LDB2: variants seen among roughly 807,000 people sequenced by gnomAD.
The protein encoded by LDB2 is LIM domain binding 2, also known as LIM domain-binding protein 2.
In LDB2, 12 loss-of-function variants were observed where a neutral mutation model predicts 44.3. The ratio of observed to expected loss-of-function variants is 0.27; its 90% CI spans 0.17 to 0.44. The LOEUF (loss-of-function observed/expected upper bound fraction) is 0.44, where lower values mean the gene tolerates loss of function less well. LDB2 is among the 20% of genes least tolerant of loss of function. The pLI is 1.00. For synonymous variants in LDB2, 164 were observed against 174.8 expected, an observed-to-expected ratio of 0.94 and a Z score of 0.49; for missense variants, 344 against 473.5, an observed-to-expected ratio of 0.73 and a Z score of 2.54.
At chr4:16,654,356 T>G (rs1216221542) in intron 2 of LDB2, among the ~76,000 whole-genome samples, 1 of 152,000 alleles carries the variant, frequency 6.6e-6, no homozygotes, top group Non-Finnish European at 1.5e-5. Flanking sequence ...CATGGGAAAT[T>G]TAGAGTAAGG....
chr4:16,776,508 G>T (rs916740703), intron 1 of LDB2, among the ~76,000 whole-genome samples: 12 of 152,162 alleles, frequency 7.9e-5, no homozygotes, highest in African/African-American at 2.9e-4. Flanking sequence ...ACCCCAAGGG[G>T]CCTCTTTGAT....
At chr4:16,884,279 C>T (rs1195399794) in intron 1 of LDB2, among the ~76,000 whole-genome samples, 2 of 152,190 alleles carry the variant, frequency 1.3e-5, no homozygotes. Context: ...TAAAACAACT[C>T]TGTGAGGCGG....
At chr4:16,559,081 G>A (rs1001763899) in intron 5 of LDB2, among the ~76,000 whole-genome samples, 33 of 152,244 alleles carry the variant, frequency 2.2e-4, no homozygotes, top group African/African-American at 7.7e-4. Flanking sequence ...ACATGGAAAA[G>A]AACAACCGGT....
intron 2 of LDB2, among the ~76,000 whole-genome samples, chr4:16,599,787 C>G (rs1722057329): frequency 6.6e-6 from 1 of 152,196 alleles, no homozygotes; most frequent in South Asian, 2.1e-4. Flanking sequence ...TGTAAACATT[C>G]ACTGAACCTG....
chr4:16,537,640 A>G (rs1478411476), intron 5 of LDB2, among the ~76,000 whole-genome samples: 1 of 152,174 alleles, frequency 6.6e-6, no homozygotes, highest in Non-Finnish European at 1.5e-5. Flanking sequence ...ATGGAGGGCA[A>G]TTTAGTGCTC....
chr4:16,871,795 A>AT (rs1020148838), intron 1 of LDB2, among the ~76,000 whole-genome samples: 3 of 151,742 alleles, frequency 2.0e-5, no homozygotes, highest in Non-Finnish European at 4.4e-5. Flanking sequence ...TAATTTTTGT[A>AT]TTTTTTAGTA....
intron 2 of LDB2, among the ~76,000 whole-genome samples, chr4:16,698,677 T>C (rs941055781): frequency 6.6e-6 from 1 of 152,230 alleles, no homozygotes; most frequent in African/African-American, 2.4e-5. Context: ...ATTACAGATA[T>C]TTCTTCCTGA....
chr4:16,653,312 C>T (rs557378076), intron 2 of LDB2, among the ~76,000 whole-genome samples: 43 of 152,310 alleles, frequency 2.8e-4, no homozygotes, highest in African/African-American at 8.7e-4. Flanking sequence ...AGCAGGTATA[C>T]ACCAGGGTGG....
At chr4:16,578,140 C>T (rs759226192) in intron 5 of LDB2, among the ~76,000 whole-genome samples, 9 of 152,100 alleles carry the variant, frequency 5.9e-5, no homozygotes, top group Non-Finnish European at 1.3e-4. Flanking sequence ...AAACTCTCCA[C>T]GACTTTGGAC....
rs567030041 is a variant in LDB2, at chr4:16,805,147, T to G, written c.133-45887A>C. On this transcript the variant is annotated intron_variant, in intron 1 of 7. Transcript: ENST00000304523. ...CTGGCATCTCTTCTTCTAAAGACAC[T>G]AATTCTATCATGAAGGCCTCGCTCC... is the stretch of plus-strand genomic sequence containing the variant. 3.3e-5 allele frequency among the ~76,000 whole-genome samples: 5 copies of G among 152,182 alleles called. No homozygotes were observed. The South Asian group carries it at 1.0e-3, about 32-fold the overall frequency.
chr4:16,770,399 C>T (rs1770396460), intron 1 of LDB2, among the ~76,000 whole-genome samples: 1 of 152,136 alleles, frequency 6.6e-6, no homozygotes, highest in Non-Finnish European at 1.5e-5. Flanking sequence ...TGAACACTGC[C>T]ACTCTCTGCT....
At chr4:16,558,705 G>C (rs1353444454) in intron 5 of LDB2, among the ~76,000 whole-genome samples, 1 of 152,074 alleles carries the variant, frequency 6.6e-6, no homozygotes, top group Non-Finnish European at 1.5e-5. Context: ...AGGAAATACA[G>C]AGAACGCCAC....
intron 5 of LDB2, among the ~76,000 whole-genome samples, chr4:16,554,043 G>A (rs1351118483): frequency 6.6e-6 from 1 of 150,956 alleles, no homozygotes; most frequent in African/African-American, 2.4e-5. Context: ...TTCATTCAAT[G>A]GCCTGAATTT....
At chr4:16,699,017 G>T (rs1429548541) in intron 2 of LDB2, among the ~76,000 whole-genome samples, 1 of 152,110 alleles carries the variant, frequency 6.6e-6, no homozygotes, top group Admixed American at 6.5e-5. Flanking sequence ...TCAGGAATTG[G>T]GCATCTTATT....
chr4:16,593,146 G>A (rs1167715465), intron 3 of LDB2, among the ~76,000 whole-genome samples: 1 of 152,104 alleles, frequency 6.6e-6, no homozygotes, highest in African/African-American at 2.4e-5. Context: ...TTCACCAGTT[G>A]ACCAAATTTT....
At chr4:16,741,400 A>G (rs935778589) in intron 2 of LDB2, 2 of 152,266 alleles carry the variant, frequency 1.3e-5, no homozygotes, top group Non-Finnish European at 2.9e-5. Context: ...AGCTGAGCAC[A>G]TATAAACAGA....
At chr4:16,885,790 T>C (rs1413679327) in intron 1 of LDB2, among the ~76,000 whole-genome samples, 6 of 152,018 alleles carry the variant, frequency 3.9e-5, no homozygotes, top group African/African-American at 1.2e-4. Context: ...CACCCTCAAG[T>C]TGGGGATAGG....
At chr4:16,725,981 A>G (rs1307367003) in intron 2 of LDB2, among the ~76,000 whole-genome samples, 1 of 149,044 alleles carries the variant, frequency 6.7e-6, no homozygotes, top group Non-Finnish European at 1.5e-5. Context: ...AGTACATAAA[A>G]TATCCATTAT....
chr4:16,641,497 C>T lies in LDB2; in HGVS notation c.236-45622G>A, dbSNP rs150653790. Among the ~76,000 whole-genome samples, 157 of 152,182 alleles carry T rather than the reference C, an allele frequency of 1.0e-3. 1 individual carries two copies. The highest frequency in any genetic ancestry group is 3.6e-3 in the African/African-American group (151 of 41,518). On this transcript the variant is annotated intron_variant, in intron 2 of 7. Transcript: ENST00000304523. ...TATCTTCTCTGCTTCCAGTAAGGGC[C>T]TCGGGGGGCTTTTACTCATGGCAGA...
Sources: gnomAD v4.1 joint callset for allele counts (sites outside exome capture counted in the v4.1 genomes callset) on GRCh38, gnomAD v4.1.1 for gene constraint, MANE v1.5 for transcripts, NCBI Gene and HGNC (gene_info 2026-07-23, HGNC 2026-07-21) for gene names.